The following L2HGDH variants were observed in gnomAD, a reference collection of about 807,000 sequenced individuals.
The protein encoded by L2HGDH is L-2-hydroxyglutarate dehydrogenase.
Under a neutral mutation model 51.5 loss-of-function variants are expected in L2HGDH, and 34 were observed. The ratio of observed to expected loss-of-function variants is 0.66; its 90% CI spans 0.50 to 0.88. The LOEUF is 0.88. Among genes scored for constraint, L2HGDH ranks in the 40% least tolerant of loss-of-function variants. L2HGDH has a pLI of 0.00. For synonymous variants in L2HGDH, 198 were observed against 197.9 expected, an observed-to-expected ratio of 1.00 and a Z score of -0.01; for missense variants, 558 against 571.9, an observed-to-expected ratio of 0.98 and a Z score of 0.25.
chr14:50,254,900 T>C (rs942208155), intron 9 of L2HGDH, among the ~76,000 whole-genome samples: 2 of 149,476 alleles, frequency 1.3e-5, no homozygotes, highest in Non-Finnish European at 3.0e-5. Flanking sequence ...CAATCAGGCG[T>C]GGTGTTGAGT....
chr14:50,262,054 G>A (rs1020469573), intron 9 of L2HGDH, among the ~76,000 whole-genome samples: 17 of 152,156 alleles, frequency 1.1e-4, no homozygotes, highest in African/African-American at 3.9e-4. Context: ...TGCTTTCACT[G>A]CAATACTAAG....
Position 50,259,219 on chromosome 14 carries a change from C to T in L2HGDH, c.1196+6139G>A, listed in dbSNP as rs544039771. Reference sequence around the variant, plus strand: ...TTAAAACTCCTGGGCTCAGGCAATCCTCCTACCTCAGCCTCCCAAGTAGCT... The same window carrying T: ...TTAAAACTCCTGGGCTCAGGCAATCTTCCTACCTCAGCCTCCCAAGTAGCT... On this transcript the variant is annotated intron_variant, in intron 9 of 9. Transcript: ENST00000267436. Among the ~76,000 whole-genome samples the T allele has an allele frequency of 3.5e-3, 527 of 151,830 alleles. 6 individuals carry two copies. The highest frequency in any genetic ancestry group is 0.012 in the African/African-American group (504 of 41,400).
At chr14:50,303,273 T>G (rs2030526636) in intron 1 of L2HGDH, among the ~76,000 whole-genome samples, 1 of 151,322 alleles carries the variant, frequency 6.6e-6, no homozygotes, top group African/African-American at 2.4e-5. Context: ...AATACAAAAA[T>G]TAGCTGGGCG....
At chr14:50,275,789 G>A (rs1341399552) in intron 6 of L2HGDH, among the ~76,000 whole-genome samples, 1 of 152,196 alleles carries the variant, frequency 6.6e-6, no homozygotes, top group Non-Finnish European at 1.5e-5. Context: ...CACAAGTCTG[G>A]AAATTGAGGT....
In L2HGDH at chr14:50,302,042, C is replaced by G. The variant is rs2030440182; in HGVS notation, c.383G>C (p.Gly128Ala). Residue 128 changes from glycine to alanine, a missense_variant, in exon 3 of 10, where the codon GGA becomes GCA. Coordinates refer to ENST00000267436, the MANE Select transcript of L2HGDH (RefSeq NM_024884.3). ...CTTGCCACACTGCTTGTAGGAAATT[C>G]CCTTTTGCTGACAGTACTCATAGAG... The part of the protein sequence containing the change: ...ALLYEYCQQK[G>A]ISYKQCGKLI... 6.2e-7 allele frequency: 1 copy of G among 1,614,072 alleles called. No individual in the cohort carries two copies. The highest frequency in any genetic ancestry group is 1.3e-5 in the African/African-American group (1 of 75,028).
chr14:50,293,321 T>C (rs751640479), intron 4 of L2HGDH: 6 of 698,324 alleles, frequency 8.6e-6, no homozygotes, highest in Admixed American at 4.1e-5. Flanking sequence ...CCCTAACTTA[T>C]ACCATATATA....
At chr14:50,306,154 G>A (rs1000143238) in intron 1 of L2HGDH, among the ~76,000 whole-genome samples, 2 of 151,618 alleles carry the variant, frequency 1.3e-5, no homozygotes, top group African/African-American at 4.8e-5. Flanking sequence ...GGATTCAAGC[G>A]ATTCTTCCAC....
intron 9 of L2HGDH, among the ~76,000 whole-genome samples, chr14:50,262,382 A>T (rs1423626698): frequency 1.3e-5 from 2 of 150,606 alleles, no homozygotes; most frequent in Non-Finnish European, 2.9e-5. Flanking sequence ...GTAAGCCGAC[A>T]TTGTACCACT....
intron 9 of L2HGDH, among the ~76,000 whole-genome samples, chr14:50,248,312 A>C (rs554200106): frequency 6.6e-6 from 1 of 152,338 alleles, no homozygotes; most frequent in East Asian, 1.9e-4. Context: ...AGGAAACAAT[A>C]TTAAACATTT....
At chr14:50,261,744 A>G (rs1370021928) in intron 9 of L2HGDH, among the ~76,000 whole-genome samples, 1 of 152,172 alleles carries the variant, frequency 6.6e-6, no homozygotes, top group Non-Finnish European at 1.5e-5. Context: ...TCAGCCTCCC[A>G]AAGCACTAGG....
chr14:50,288,244 G>A (rs138751422), intron 4 of L2HGDH, among the ~76,000 whole-genome samples: 2 of 152,118 alleles, frequency 1.3e-5, no homozygotes, highest in African/African-American at 4.8e-5. Context: ...GTCTATTTTC[G>A]GGAAGGACAT....
At position 50,243,331 on chromosome 14, in the gene L2HGDH, T is replaced by G; in HGVS notation, c.*3727A>C. 1 of 984,946 alleles carries G rather than the reference T, an allele frequency of 1.0e-6. No individual in the cohort carries two copies. Among genetic ancestry groups the G allele is most frequent in the Non-Finnish European group, 1.2e-6 (1 of 829,504 alleles). The allele number at this position is 984,946 out of a possible 1,614,324, so 61.0% of individuals were successfully genotyped here. A position where few individuals can be genotyped will look rare whatever the true frequency, so the allele number is the denominator to read the frequency against. ...CCAAAATATAAATGACTCAACCTCATTTTGTATTATATACTAACACAGAAA... is the reference window on the plus strand; with the variant it reads ...CCAAAATATAAATGACTCAACCTCAGTTTGTATTATATACTAACACAGAAA... On this transcript the variant is annotated 3_prime_UTR_variant, in exon 10 of 10. Transcript: ENST00000267436.
At chr14:50,265,561 T>C (rs1340980353) in intron 8 of L2HGDH, 72 bp from the exon 9 acceptor site, 35 of 1,300,876 alleles carry the variant, frequency 2.7e-5, no homozygotes, top group Non-Finnish European at 3.6e-5. Context: ...TTATAATTAT[T>C]AGATTCTTTT....
At chr14:50,284,124 T>C in intron 4 of L2HGDH, 91 bp from the exon 5 acceptor site, 2 of 1,298,930 alleles carry the variant, frequency 1.5e-6, no homozygotes, top group South Asian at 1.3e-5. Flanking sequence ...TTTTGTCCTT[T>C]AGAGGAGTTG....
chr14:50,287,707 T>C (rs1333428673), intron 4 of L2HGDH, among the ~76,000 whole-genome samples: 1 of 139,442 alleles, frequency 7.2e-6, no homozygotes, highest in Non-Finnish European at 1.6e-5. Context: ...TTTTTTTTTT[T>C]TTTTTTTTGA....
intron 6 of L2HGDH, among the ~76,000 whole-genome samples, chr14:50,270,673 AT>A (rs1461070904): frequency 1.3e-5 from 2 of 151,630 alleles, no homozygotes; most frequent in East Asian, 1.9e-4. Context: ...CGCCCGGCTA[AT>A]TTTTTGTATT....
intron 4 of L2HGDH, among the ~76,000 whole-genome samples, chr14:50,287,691 CTTTTTTTTTTT>C (rs911689718): frequency 1.2e-5 from 1 of 85,276 alleles, no homozygotes; most frequent in Non-Finnish European, 2.2e-5. Context: ...TATTTTTTTC[CTTTTTTTTTTT>C]TTTTTTTTTT....
At chr14:50,311,472 C>G (rs1334272792) in intron 1 of L2HGDH, 2 of 456,006 alleles carry the variant, frequency 4.4e-6, no homozygotes, top group Admixed American at 4.7e-5. Flanking sequence ...TCGAATGTGA[C>G]GTCCAAACTA....
intron 9 of L2HGDH, among the ~76,000 whole-genome samples, chr14:50,260,417 C>T (rs1047981807): frequency 6.6e-6 from 1 of 151,984 alleles, no homozygotes; most frequent in Non-Finnish European, 1.5e-5. Context: ...GTACAATTAT[C>T]GAAATTTACT....
Sources: gnomAD v4.1 joint callset for allele counts (sites outside exome capture counted in the v4.1 genomes callset) on GRCh38, gnomAD v4.1.1 for gene constraint, MANE v1.5 for transcripts, NCBI Gene and HGNC (gene_info 2026-07-23, HGNC 2026-07-21) for gene names.